The following HEATR4 variants were observed in gnomAD, a reference collection of about 807,000 sequenced individuals.
HEATR4 encodes the protein HEAT repeat-containing protein 4.
A neutral mutation model predicts 108.8 loss-of-function variants in HEATR4; 95 were observed. The observed-to-expected ratio is 0.87, with a 90% confidence interval of 0.74 to 1.04. HEATR4 has a LOEUF of 1.04. Among genes scored for constraint, HEATR4 ranks in the 50% least tolerant of loss-of-function variants. HEATR4 has a pLI of 0.00. For missense variants in HEATR4, 1,152 were observed against 1,253.8 expected (o/e 0.92, Z 1.23); for synonymous variants, 443 against 459.4 (o/e 0.96, Z 0.46).
the HEATR4 span, among the ~76,000 whole-genome samples, chr14:73,621,530 G>C: frequency 0.39 from 58,946 of 151,940 alleles, 12,130 homozygotes; most frequent in East Asian, 0.66. Context: ...TAACAGACCA[G>C]AGCAGAGAGT....
chr14:73,578,318 CT>C, the HEATR4 span, among the ~76,000 whole-genome samples: 1 of 148,172 alleles, frequency 6.7e-6, no homozygotes, highest in African/African-American at 2.5e-5. Context: ...CAGTCTTGAT[CT>C]CCAAGACTCA....
the HEATR4 span, among the ~76,000 whole-genome samples, chr14:73,565,092 T>A: frequency 6.6e-6 from 1 of 152,068 alleles, no homozygotes; most frequent in Non-Finnish European, 1.5e-5. Context: ...TCTAATTTTT[T>A]CTCTATTAAA....
the HEATR4 span, among the ~76,000 whole-genome samples, chr14:73,611,226 C>G: frequency 2.0e-5 from 3 of 152,154 alleles, no homozygotes; most frequent in Non-Finnish European, 4.4e-5. Context: ...TCCTTCTCCA[C>G]CCTGCTATGT....
At chr14:73,526,784 G>A (rs1285895779) in intron 2 of HEATR4, among the ~76,000 whole-genome samples, 1 of 152,210 alleles carries the variant, frequency 6.6e-6, no homozygotes, top group East Asian at 1.9e-4. Flanking sequence ...GTAAATATCA[G>A]TGGTAGCTAA....
rs1160344592 is a variant in HEATR4, at chr14:73,524,293, C to CAAA, written c.-72-1072_-72-1070dup. ...GGGCAACAAGAGCAAAACTCCGTCT[C>CAAA]AAAAAAAAAAAAAAAAAATATATAT... On this transcript the variant is annotated intron_variant, in intron 2 of 17. Transcript: ENST00000553558. 3.0e-3 allele frequency among the ~76,000 whole-genome samples: 169 copies of CAAA among 56,632 alleles called. 2 individuals carry two copies. Among genetic ancestry groups the CAAA allele is most frequent in the African/African-American group, 0.013 (143 of 10,758 alleles). The allele number at this position is 56,632 out of a possible 152,430, so 37.2% of individuals were successfully genotyped here.
intron 10 of HEATR4, among the ~76,000 whole-genome samples, chr14:73,504,885 G>A (rs951194907): frequency 1.3e-5 from 2 of 152,106 alleles, no homozygotes; most frequent in Admixed American, 1.3e-4. Flanking sequence ...GTGTTGCCTG[G>A]AATTCCCTCT....
At chr14:73,483,504 A>G (rs1260125865) in intron 17 of HEATR4, among the ~76,000 whole-genome samples, 1 of 152,180 alleles carries the variant, frequency 6.6e-6, no homozygotes, top group African/African-American at 2.4e-5. Flanking sequence ...AACTACGTGT[A>G]CCATCATGCC....
At position 73,531,766 on chromosome 14, in the gene HEATR4, A is replaced by G. The variant is rs1332472596; in HGVS notation, c.-151-1522T>C. On this transcript the variant is annotated intron_variant, in intron 1 of 17. Transcript: ENST00000553558. ...CCAGGCGCAATGGCTGACACCTGTA[A>G]TCCCAGCAACTTGGGAGGCTGAGGT... is the stretch of plus-strand genomic sequence containing the variant. Among the ~76,000 whole-genome samples, 6 of 111,928 alleles carry G rather than the reference A, an allele frequency of 5.4e-5. 2 individuals are homozygous for G. The highest frequency in any genetic ancestry group is 1.7e-4 in the African/African-American group (6 of 34,558). 73.4% of individuals were successfully genotyped at this position (111,928 alleles called of 152,430 possible). A position where few individuals can be genotyped will look rare whatever the true frequency, so the allele number is the denominator to read the frequency against.
chr14:73,504,388 G>A (rs1405992561), intron 10 of HEATR4, among the ~76,000 whole-genome samples: 1 of 152,038 alleles, frequency 6.6e-6, no homozygotes, highest in Admixed American at 6.6e-5. Context: ...GACTACAGGT[G>A]CCTGCCACCA....
At chr14:73,585,826 T>C in the HEATR4 span, among the ~76,000 whole-genome samples, 3 of 147,684 alleles carry the variant, frequency 2.0e-5, no homozygotes, top group Admixed American at 6.7e-5. Context: ...TTTTCTTTTT[T>C]TTTTTTTTTT....
chr14:73,508,346 A>G, intron 8 of HEATR4, 52 bp from the exon 9 acceptor site: 1 of 1,565,076 alleles, frequency 6.4e-7, no homozygotes, highest in Non-Finnish European at 8.8e-7. Flanking sequence ...TTTTCCCCCT[A>G]GAGAACAGCC....
chr14:73,539,930 C>A (rs557526730), intron 1 of HEATR4: 1 of 116,226 alleles, frequency 8.6e-6, no homozygotes, highest in Non-Finnish European at 1.9e-5. Flanking sequence ...AGGAAAGCCT[C>A]TTCCTGTCAA....
rs1402067988 is a variant in HEATR4 at position 73,522,638 on chromosome 14, G to A, written c.515C>T (p.Pro172Leu). 1 of 1,614,240 alleles carries A rather than the reference G, an allele frequency of 6.2e-7. No individual in the cohort carries two copies. Reference protein sequence around the residue: ...RPLIHHPCMHPDMLGRPPSLD... With the variant: ...RPLIHHPCMHLDMLGRPPSLD... ...AGAAGGTGGCCGACCCAGCATATCT[G>A]GATGCATGCAGGGATGATGGATGAG... is the stretch of plus-strand genomic sequence containing the variant. The change falls in exon 3 of 18, where the codon CCA (proline) becomes CTA (leucine). Residue 172 changes from proline (P) to leucine (L), a missense_variant. By Grantham distance (98) the Pro-to-Leu change is moderately conservative. Transcript: ENST00000553558.
chr14:73,518,624 T>G (rs1887778285), intron 5 of HEATR4, among the ~76,000 whole-genome samples: 1 of 152,044 alleles, frequency 6.6e-6, no homozygotes, highest in Admixed American at 6.6e-5. Context: ...CAGGTATGGG[T>G]GGGCTGAGTG....
At chr14:73,588,641 C>T in the HEATR4 span, among the ~76,000 whole-genome samples, 1 of 152,120 alleles carries the variant, frequency 6.6e-6, no homozygotes, top group Non-Finnish European at 1.5e-5. Flanking sequence ...GATGAGGCCC[C>T]AATTACACTG....
intron 17 of HEATR4, among the ~76,000 whole-genome samples, chr14:73,481,722 G>A (rs1461939633): frequency 2.0e-5 from 3 of 152,026 alleles, no homozygotes; most frequent in Non-Finnish European, 4.4e-5. Flanking sequence ...GCGGGCACCT[G>A]TAGTCCCAGC....
intron 17 of HEATR4, among the ~76,000 whole-genome samples, chr14:73,488,414 G>T (rs965434620): frequency 6.6e-6 from 1 of 152,100 alleles, no homozygotes; most frequent in African/African-American, 2.4e-5. Context: ...GGGATGACAG[G>T]GGCGTGCCAC....
intron 12 of HEATR4, among the ~76,000 whole-genome samples, chr14:73,500,005 G>A (rs185519903): frequency 2.5e-4 from 38 of 152,224 alleles, no homozygotes; most frequent in Non-Finnish European, 2.6e-4. Flanking sequence ...CGAGGCGGGC[G>A]GATCACGAAG....
chr14:73,522,187 A>G (rs1888013740), intron 3 of HEATR4, 85 bp downstream of exon 3: 1 of 1,394,250 alleles, frequency 7.2e-7, no homozygotes, highest in Non-Finnish European at 9.8e-7. Context: ...GTGCATTCTG[A>G]AATCGGGAGT....
Sources: allele counts gnomAD v4.1 joint callset (sites outside exome capture counted in the v4.1 genomes callset), GRCh38; gene constraint gnomAD v4.1.1; transcripts MANE v1.5; gene names NCBI Gene and HGNC (gene_info 2026-07-23, HGNC 2026-07-21).